CEP85L: variants seen among roughly 807,000 people sequenced by gnomAD.
The protein encoded by CEP85L is centrosomal protein 85L.
CEP85L carries 60 observed loss-of-function variants against 100.3 expected under a neutral mutation model. That is an observed-to-expected ratio of 0.60 (90% confidence interval 0.49 to 0.74). The LOEUF (loss-of-function observed/expected upper bound fraction) is 0.74. Among genes scored for constraint, CEP85L ranks in the 30% least tolerant of loss-of-function variants. The probability of loss-of-function intolerance (pLI) is 0.00; values close to 1 mark genes in which losing one functional copy is unlikely to be tolerated. For synonymous variants in CEP85L, 319 were observed against 322.7 expected, an observed-to-expected ratio of 0.99 and a Z score of 0.12; for missense variants, 973 against 936.2, an observed-to-expected ratio of 1.04 and a Z score of -0.51.
chr6:118,467,819 G>A (rs1356216674), intron 12 of CEP85L, among the ~76,000 whole-genome samples: 1 of 152,106 alleles, frequency 6.6e-6, no homozygotes, highest in Non-Finnish European at 1.5e-5. Flanking sequence ...CCTCTTCCTC[G>A]TCTGAGAGCG....
Position 118,481,825 on chromosome 6 carries a change from T to C in CEP85L, c.1699A>G (p.Ile567Val). 5 of 1,599,402 alleles carry C rather than the reference T, an allele frequency of 3.1e-6. No individual in the cohort carries two copies. Among genetic ancestry groups the C allele is most frequent in the Non-Finnish European group, 4.3e-6 (5 of 1,173,012 alleles). ...KQCQDKETQL[I>V]CQKKKEKELV... is the part of the protein sequence containing the mutation. ...TCCTTTTCTTTCTTTTTCTGGCATA[T>C]TAACTGTGTCTCTTTATCTTGACAC... The change falls in exon 8 of 13, where the codon ATA becomes GTA. Residue 567 changes from isoleucine to valine, a missense_variant. Coordinates refer to ENST00000368491, the MANE Select transcript of CEP85L (RefSeq NM_001042475.3).
chr6:118,578,983 C>G (rs1344611326), intron 2 of CEP85L, among the ~76,000 whole-genome samples: 1 of 152,110 alleles, frequency 6.6e-6, no homozygotes, highest in Non-Finnish European at 1.5e-5. Context: ...GTAGCCCCAA[C>G]CTCCCAAGCT....
At chr6:118,502,607 A>C (rs1239265655) in intron 5 of CEP85L, 2 of 480,766 alleles carry the variant, frequency 4.2e-6, no homozygotes, top group African/African-American at 2.0e-5. Flanking sequence ...ACTCTTGAAG[A>C]AGCTGAAGTA....
intron 2 of CEP85L, among the ~76,000 whole-genome samples, chr6:118,630,269 T>G (rs1159642020): frequency 6.6e-6 from 1 of 152,218 alleles, no homozygotes; most frequent in East Asian, 1.9e-4. Context: ...ATCATCAGCA[T>G]AAGTTCTTAT....
chr6:118,607,183 G>A (rs1772283812), intron 2 of CEP85L, among the ~76,000 whole-genome samples: 1 of 152,116 alleles, frequency 6.6e-6, no homozygotes, highest in South Asian at 2.1e-4. Flanking sequence ...GTCCCCAGAT[G>A]GGCCCCATCA....
At chr6:118,580,936 T>G (rs571809494) in intron 2 of CEP85L, among the ~76,000 whole-genome samples, 1 of 152,298 alleles carries the variant, frequency 6.6e-6, no homozygotes, top group African/African-American at 2.4e-5. Context: ...AGCCCCTTGG[T>G]CTGGAGAGCA....
chr6:118,676,345 C>T (rs1324494853), intron 1 of CEP85L, among the ~76,000 whole-genome samples: 3 of 152,164 alleles, frequency 2.0e-5, no homozygotes, highest in African/African-American at 7.2e-5. Flanking sequence ...CTACCCTCAT[C>T]CCCTCTCTAG....
At chr6:118,648,128 C>A (rs1775320110) in intron 1 of CEP85L, among the ~76,000 whole-genome samples, 1 of 152,168 alleles carries the variant, frequency 6.6e-6, no homozygotes, top group Non-Finnish European at 1.5e-5. Context: ...GTGGCACATG[C>A]CGGTAATCCC....
At chr6:118,676,114 CAAAT>C (rs1776473706) in intron 1 of CEP85L, among the ~76,000 whole-genome samples, 2 of 151,910 alleles carry the variant, frequency 1.3e-5, no homozygotes, top group Admixed American at 6.6e-5. Flanking sequence ...TTTTAACTGA[CAAAT>C]AATAATTGTA....
chr6:118,557,959 T>C (rs1307365574), intron 3 of CEP85L, among the ~76,000 whole-genome samples: 11 of 151,706 alleles, frequency 7.3e-5, no homozygotes, highest in Non-Finnish European at 1.5e-5. Flanking sequence ...TAATTATCTT[T>C]GTTGGCTTTT....
At position 118,469,080 on chromosome 6, in the gene CEP85L, C is replaced by T; in HGVS notation, c.2246G>A (p.Gly749Glu). The T allele has an allele frequency of 6.2e-7, 1 of 1,604,788 alleles. No homozygotes were observed. The highest frequency in any genetic ancestry group is 8.5e-7 in the Non-Finnish European group (1 of 1,171,798). ...AGTCATCAGACACTTACATCTTATT[C>T]CCAGTAATAATGAAAGATTAGGCTC... ...GKEPNLSLLL[G>E]IRSMNCSAEE... The change falls in exon 12 of 13, where the codon GGA becomes GAA. Residue 749 changes from glycine (G) to glutamate (E), a missense_variant. Transcript: ENST00000368491.
rs200110293 is a variant in CEP85L at position 118,682,770 on chromosome 6, TGCAC to T, written c.-28+27262_-28+27265del. ...TGAAATATGCATGCATGCCTGAGCA[TGCAC>T]ACACACACACACACACACACACACA... On this transcript the variant is annotated intron_variant, in intron 1 of 13. Transcript: ENST00000368488. Among the ~76,000 whole-genome samples the T allele has an allele frequency of 9.5e-3, 829 of 87,384 alleles. 5 individuals are homozygous for T. The highest frequency in any genetic ancestry group is 0.027 in the East Asian group (121 of 4,436). The allele number at this position is 87,384 out of a possible 152,430, so 57.3% of individuals were successfully genotyped here.
chr6:118,487,358 A>G (rs17424234), intron 6 of CEP85L, among the ~76,000 whole-genome samples: 20,627 of 152,224 alleles, frequency 0.14, 1,815 homozygotes, highest in Non-Finnish European at 0.19. Flanking sequence ...TTTGATTTAT[A>G]TTTTAAAGAC....
At chr6:118,484,607 T>A (rs537919431) in intron 6 of CEP85L, among the ~76,000 whole-genome samples, 7 of 152,170 alleles carry the variant, frequency 4.6e-5, no homozygotes, top group Non-Finnish European at 2.9e-5. Context: ...TGGAACAATG[T>A]TATTGGGTGC....
At chr6:118,530,819 A>G (rs1458205693) in intron 3 of CEP85L, among the ~76,000 whole-genome samples, 1 of 151,950 alleles carries the variant, frequency 6.6e-6, no homozygotes, top group Admixed American at 6.6e-5. Context: ...GAGCTCTACA[A>G]CAAGAATTAC....
chr6:118,696,047 G>T (rs1356712633), intron 1 of CEP85L, among the ~76,000 whole-genome samples: 2 of 152,140 alleles, frequency 1.3e-5, no homozygotes, highest in Non-Finnish European at 2.9e-5. Context: ...GAGACAGGCG[G>T]ATCACCTGAG....
Position 118,638,110 on chromosome 6 carries a change from A to T in CEP85L, c.74-5499T>A, listed in dbSNP as rs376543628. Among the ~76,000 whole-genome samples the T allele has an allele frequency of 5.3e-5, 8 of 150,930 alleles. No homozygotes were observed. In the South Asian group the frequency reaches 1.5e-3, roughly 28 times the overall value. On this transcript the variant is annotated intron_variant, in intron 1 of 12. Coordinates refer to ENST00000368491, the MANE Select transcript of CEP85L (RefSeq NM_001042475.3). ...CTATTAGGCAATATACATCATGTGT[A>T]GCACATGCCTGTAATACCAGCTACT... is the stretch of plus-strand genomic sequence containing the variant.
intron 1 of CEP85L, among the ~76,000 whole-genome samples, chr6:118,691,739 CA>C (rs112878584): frequency 1.5e-3 from 199 of 134,510 alleles, no homozygotes; most frequent in Admixed American, 3.0e-3. Context: ...AACTCCATCT[CA>C]AAAAAAAAAA....
At chr6:118,574,357 T>C (rs1780090089) in intron 2 of CEP85L, among the ~76,000 whole-genome samples, 1 of 152,254 alleles carries the variant, frequency 6.6e-6, no homozygotes, top group African/African-American at 2.4e-5. Context: ...AAACAGGAAC[T>C]GCATTAGGGA....
Sources: allele counts gnomAD v4.1 joint callset (sites outside exome capture counted in the v4.1 genomes callset), GRCh38; gene constraint gnomAD v4.1.1; transcripts MANE v1.5; gene names NCBI Gene and HGNC (gene_info 2026-07-23, HGNC 2026-07-21).